LIFR: variants seen among roughly 807,000 people sequenced by gnomAD.
The protein encoded by LIFR is leukemia inhibitory factor receptor.
A neutral mutation model predicts 122.2 loss-of-function variants in LIFR; 84 were observed. The ratio of observed to expected loss-of-function variants is 0.69; its 90% CI spans 0.58 to 0.82. The LOEUF (loss-of-function observed/expected upper bound fraction) is 0.82. Ranked by LOEUF, LIFR falls within the 40% of genes least tolerant of loss-of-function variation. The pLI is 0.00. For synonymous variants in LIFR, 422 were observed against 434.7 expected, an observed-to-expected ratio of 0.97 and a Z score of 0.36; for missense variants, 1,294 against 1,311.6, an observed-to-expected ratio of 0.99 and a Z score of 0.21.
At chr5:38,506,216 T>C (rs1745472456) in intron 8 of LIFR, 142 bp from the exon 9 acceptor site, 1 of 645,428 alleles carries the variant, frequency 1.5e-6, no homozygotes, top group Non-Finnish European at 2.7e-6. Context: ...GAAGAAAATG[T>C]ATGTGATACA....
chr5:38,578,642 C>T (rs1489714262), intron 1 of LIFR, among the ~76,000 whole-genome samples: 1 of 151,916 alleles, frequency 6.6e-6, no homozygotes. Context: ...AACTCTGCCT[C>T]CCGGGTTCAA....
chr5:38,514,706 C>A (rs1745983094), intron 5 of LIFR, among the ~76,000 whole-genome samples: 1 of 152,174 alleles, frequency 6.6e-6, no homozygotes, highest in Non-Finnish European at 1.5e-5. Flanking sequence ...GTGAGGTCAA[C>A]CAACTATGGA....
At chr5:38,517,785 ATTTGGAGG>A (rs1193177404) in intron 5 of LIFR, among the ~76,000 whole-genome samples, 1 of 134,484 alleles carries the variant, frequency 7.4e-6, no homozygotes, top group East Asian at 2.5e-4. Context: ...TGAACCCGGG[ATTTGGAGG>A]TTGCAGTGAG....
At chr5:38,577,204 G>C (rs1306399677) in intron 1 of LIFR, among the ~76,000 whole-genome samples, 1 of 152,204 alleles carries the variant, frequency 6.6e-6, no homozygotes, top group Non-Finnish European at 1.5e-5. Flanking sequence ...CTTAATGTCT[G>C]AGTATGAAGC....
At position 38,502,690 on chromosome 5, in the gene LIFR, A is replaced by G. The variant is rs766255111; in HGVS notation, c.1547T>C (p.Phe516Ser). 6.4e-5 allele frequency: 103 copies of G among 1,613,586 alleles called. No individual in the cohort carries two copies. Among genetic ancestry groups the G allele is most frequent in the Non-Finnish European group, 8.0e-5 (94 of 1,179,682 alleles). Residue 516 changes from phenylalanine (F) to serine (S), a missense_variant, in exon 11 of 20, where the codon TTC becomes TCC. Phe to Ser is a radical substitution (Grantham distance 155, BLOSUM62 -2). Transcript: ENST00000453190. ...TFRIRCSTET[F>S]WKWSKWSNKK... ...ATTGCTCCATTTGCTCCATTTCCAG[A>G]AAGTTTCAGTAGAACAACGAATCCG...
intron 5 of LIFR, among the ~76,000 whole-genome samples, chr5:38,517,379 C>T (rs752877193): frequency 3.3e-5 from 5 of 152,016 alleles, no homozygotes; most frequent in Non-Finnish European, 5.9e-5. Context: ...TTATCCTAAG[C>T]CTGTAAGTGG....
intron 16 of LIFR, among the ~76,000 whole-genome samples, chr5:38,488,018 G>T (rs1744382873): frequency 6.6e-6 from 1 of 152,152 alleles, no homozygotes; most frequent in Non-Finnish European, 1.5e-5. Flanking sequence ...CTCTCCTTGT[G>T]GCTTTATTAG....
rs1745748368 is a variant in LIFR at position 38,510,630 on chromosome 5, T to G, written c.825A>C (p.Glu275Asp). 1.2e-6 allele frequency: 2 copies of G among 1,614,078 alleles called. No individual in the cohort carries two copies. Among genetic ancestry groups the G allele is most frequent in the Non-Finnish European group, 1.7e-6 (2 of 1,179,978 alleles). Residue 275 changes from glutamate to aspartate, a missense_variant, in exon 7 of 20, where the codon GAA becomes GAC. Transcript: ENST00000453190. ...SDITFCCVSQEKVLSALIGHT... is the reference protein window; with the variant it reads ...SDITFCCVSQDKVLSALIGHT... ...GGCCAATCAGTGCTGATAACACTTTTTCTTGACTCACACAACAAAATGTTA... is the reference window on the plus strand; with the variant it reads ...GGCCAATCAGTGCTGATAACACTTTGTCTTGACTCACACAACAAAATGTTA...
chr5:38,564,153 GTTGT>G (rs796962755), intron 1 of LIFR, among the ~76,000 whole-genome samples: 1 of 151,910 alleles, frequency 6.6e-6, no homozygotes, highest in Non-Finnish European at 1.5e-5. Context: ...TCCTTCGGGT[GTTGT>G]TTGAGTGCAG....
At position 38,570,042 on chromosome 5, in the gene LIFR, G is replaced by T. The variant is rs75916090; in HGVS notation, c.-20+25219C>A. 1.9e-3 allele frequency among the ~76,000 whole-genome samples: 289 copies of T among 152,216 alleles called. 10 individuals are homozygous for T. In the East Asian group the frequency reaches 0.043, roughly 22 times the overall value. On this transcript the variant is annotated intron_variant, in intron 1 of 19. Transcript: ENST00000263409. ...ATCCTGAGTGGCAGTATAGCAGAGG[G>T]GTTACCAGCAGAGATTCTGGACCCA... is the stretch of plus-strand genomic sequence containing the variant.
intron 15 of LIFR, among the ~76,000 whole-genome samples, chr5:38,489,978 G>C (rs1744485342): frequency 9.8e-6 from 1 of 102,272 alleles, no homozygotes; most frequent in Admixed American, 1.6e-4. Context: ...CTGGGTGACA[G>C]AGTAAGACCC....
At chr5:38,500,296 A>T (rs1264075923) in intron 11 of LIFR, among the ~76,000 whole-genome samples, 1 of 152,218 alleles carries the variant, frequency 6.6e-6, no homozygotes, top group Non-Finnish European at 1.5e-5. Context: ...TAACTAGAAC[A>T]ATTCCAGACA....
intron 11 of LIFR, among the ~76,000 whole-genome samples, chr5:38,501,774 T>G (rs2731962): frequency 0.037 from 5,668 of 151,680 alleles, 362 homozygotes; most frequent in African/African-American, 0.13. Flanking sequence ...TTTCTGAGTT[T>G]TTTTTTTTTT....
intron 13 of LIFR, among the ~76,000 whole-genome samples, chr5:38,495,749 C>G (rs1418900640): frequency 2.6e-5 from 4 of 152,132 alleles, no homozygotes. Context: ...CCGTTTAAAG[C>G]TCATAACTCT....
At chr5:38,607,537 TGTCA>T (rs1380860091) in intron 1 of LIFR, 1 of 149,734 alleles carries the variant, frequency 6.7e-6, no homozygotes, top group African/African-American at 2.5e-5. Context: ...TCTCTCTCTC[TGTCA>T]TTCACAAGCT....
At chr5:38,485,681 CCCTCT>C in intron 17 of LIFR, 133 bp downstream of exon 17, 2 of 869,610 alleles carry the variant, frequency 2.3e-6, no homozygotes, top group South Asian at 3.0e-5. Flanking sequence ...TTTAACCCTT[CCCTCT>C]ACCAGCCAAA....
intron 9 of LIFR, among the ~76,000 whole-genome samples, chr5:38,505,070 A>G (rs916090253): frequency 6.6e-6 from 1 of 152,110 alleles, no homozygotes; most frequent in African/African-American, 2.4e-5. Flanking sequence ...TTTTATTTGG[A>G]GCTATATATT....
rs138927602 is a variant in LIFR at position 38,584,281 on chromosome 5, C to T, written c.-20+10980G>A. ...AGATTGATACAGCCATGAGGGAAAA[C>T]AGTATGGAGGCTCCTAAAGAAATTT... On this transcript the variant is annotated intron_variant, in intron 1 of 19. Transcript: ENST00000263409. Among the ~76,000 whole-genome samples the T allele has an allele frequency of 8.7e-3, 1,330 of 152,224 alleles. 10 individuals are homozygous for T. The highest frequency in any genetic ancestry group is 0.015 in the Non-Finnish European group (1,027 of 68,012).
chr5:38,579,986 A>G (rs1749528945), intron 1 of LIFR, among the ~76,000 whole-genome samples: 1 of 152,224 alleles, frequency 6.6e-6, no homozygotes, highest in African/African-American at 2.4e-5. Context: ...TTTTAATTTT[A>G]AATCCTTCTC....
Sources: allele counts gnomAD v4.1 joint callset (sites outside exome capture counted in the v4.1 genomes callset), GRCh38; gene constraint gnomAD v4.1.1; transcripts MANE v1.5; gene names NCBI Gene and HGNC (gene_info 2026-07-23, HGNC 2026-07-21).